Variants in RNF19A observed in about 807,000 individuals in gnomAD.
The protein encoded by RNF19A is ring finger protein 19A, RBR E3 ubiquitin protein ligase.
Under a neutral mutation model 75.7 loss-of-function variants are expected in RNF19A, and 32 were observed. That is an observed-to-expected ratio of 0.42 (90% CI 0.32 to 0.57). RNF19A has a LOEUF of 0.57. Ranked by LOEUF, RNF19A falls within the 20% of genes least tolerant of loss-of-function variation. The pLI is 0.10. For synonymous variants in RNF19A, 335 were observed against 345.2 expected (o/e 0.97, Z 0.33); for missense variants, 782 against 1,036.3 (o/e 0.75, Z 3.37).
rs112155931 is a variant in RNF19A at position 100,260,552 on chromosome 8, G to A, written c.1683-555C>T. ...CCCAAAGTGCTGGGATTATAGGTAT[G>A]AGCCACTGAGCCCAACCAACATTTG... On this transcript the variant is annotated intron_variant, in intron 8 of 9. Coordinates refer to ENST00000341084, the MANE Select transcript of RNF19A (RefSeq NM_183419.4). The surrounding 1 kb of genome is among the most constrained non-coding windows in gnomAD (Gnocchi z 4.1). Among the ~76,000 whole-genome samples, 2,203 of 152,230 alleles carry A rather than the reference G, an allele frequency of 0.014. 36 individuals carry two copies. The highest frequency in any genetic ancestry group is 0.035 in the South Asian group (169 of 4,820).
intron 2 of RNF19A, among the ~76,000 whole-genome samples, chr8:100,281,963 T>C (rs544890489): frequency 2.0e-5 from 3 of 152,300 alleles, no homozygotes; most frequent in Admixed American, 6.5e-5. Flanking sequence ...TGGTTCCCTT[T>C]TTTAGGATTT....
chr8:100,309,851 G>A lies in RNF19A; in HGVS notation c.-94+16C>T, dbSNP rs913118546. ...CCCGCTCCGGGGCGCAAGCTCCTCC[G>A]GGTGCCCGCCCGTACCTTTAACTCC... On this transcript the variant is annotated intron_variant, in intron 1 of 9. Coordinates refer to ENST00000341084, the MANE Select transcript of RNF19A (RefSeq NM_183419.4). 2 of 985,590 alleles carry A rather than the reference G, an allele frequency of 2.0e-6. No homozygotes were observed. Among genetic ancestry groups the A allele is most frequent in the South Asian group, 4.7e-5 (1 of 21,294 alleles). The allele number at this position is 985,590 out of a possible 1,614,324, so 61.1% of individuals were successfully genotyped here. A position where few individuals can be genotyped will look rare whatever the true frequency, so the allele number is the denominator to read the frequency against.
chr8:100,302,525 C>T (rs539108930), intron 1 of RNF19A, among the ~76,000 whole-genome samples: 6 of 152,302 alleles, frequency 3.9e-5, no homozygotes, highest in African/African-American at 1.4e-4. Context: ...TATCCAAACA[C>T]CCGTTTGACA....
intron 1 of RNF19A, among the ~76,000 whole-genome samples, chr8:100,296,017 C>T (rs927148952): frequency 6.6e-6 from 1 of 152,058 alleles, no homozygotes; most frequent in Non-Finnish European, 1.5e-5. Context: ...CATTATTTTC[C>T]TCTAATAAAT....
chr8:100,287,971 G>A lies in RNF19A; in HGVS notation c.204C>T (p.Gly68=), dbSNP rs764139989. The part of the protein sequence containing the change: ...KAPKKRRISI[G]SLFRRKKDNK... ...TATCTTTTTTCCTCCGAAACAGGGAGCCTATTGAAATTCTTCTTTTTTTGG... is the reference window on the plus strand; with the variant it reads ...TATCTTTTTTCCTCCGAAACAGGGAACCTATTGAAATTCTTCTTTTTTTGG... Residue 68 remains glycine (G), a synonymous_variant, in exon 2 of 10, where the codon GGC becomes GGT. Transcript: ENST00000341084. This position sits in a 1 kb window ranked among gnomAD's most constrained non-coding sequence, Gnocchi z 4.1. 30 of 1,614,004 alleles carry A rather than the reference G, an allele frequency of 1.9e-5. No individual in the cohort carries two copies. In the East Asian group the frequency reaches 2.0e-4, roughly 11 times the overall value.
In RNF19A at chr8:100,325,281, G is replaced by A. The variant is rs7834839; in HGVS notation, c.-243+10827C>T. ...GATACTGAAGGCAGAGAACTTAAGA[G>A]CCTGAAGGGTTTTTGCAGAGAGTTT... On this transcript the variant is annotated intron_variant, in intron 1 of 3. Coordinates refer to the RNF19A transcript ENST00000519527. The surrounding 1 kb of genome is among the most constrained non-coding windows in gnomAD (Gnocchi z 4.3). 2.5e-3 allele frequency among the ~76,000 whole-genome samples: 385 copies of A among 152,320 alleles called. No individual in the cohort carries two copies. Among genetic ancestry groups the A allele is most frequent in the African/African-American group, 8.6e-3 (359 of 41,574 alleles).
intron 3 of RNF19A, among the ~76,000 whole-genome samples, chr8:100,273,746 G>C (rs1820368500): frequency 6.6e-6 from 1 of 151,970 alleles, no homozygotes; most frequent in South Asian, 2.1e-4. Flanking sequence ...TCAACTATAT[G>C]GACATAAGCA....
Position 100,264,211 on chromosome 8 carries a change from A to G in RNF19A, c.1307-16T>C. On this transcript the variant is annotated splice_polypyrimidine_tract_variant and intron_variant, in intron 6 of 9. Transcript: ENST00000341084. The surrounding 1 kb of genome is among the most constrained non-coding windows in gnomAD (Gnocchi z 4.7). ...ACACCGATACCTAAAGAGAAATTAA[A>G]TCAGTCATTACAAACAACAACAACA... is the stretch of plus-strand genomic sequence containing the variant. 6.3e-7 allele frequency: 1 copy of G among 1,590,182 alleles called. No individual in the cohort carries two copies. Among genetic ancestry groups the G allele is most frequent in the East Asian group, 2.2e-5 (1 of 44,636 alleles).
Position 100,264,366 on chromosome 8 carries a change from C to G in RNF19A, c.1307-171G>C. Reference sequence around the variant, plus strand: ...GATTTACCCAGTTGTTAAGCAAATTCAAGGTTCCCAGCCTTTCAGGTAATG... The same window carrying G: ...GATTTACCCAGTTGTTAAGCAAATTGAAGGTTCCCAGCCTTTCAGGTAATG... On this transcript the variant is annotated intron_variant, in intron 6 of 9. Transcript: ENST00000341084. This position sits in a 1 kb window ranked among gnomAD's most constrained non-coding sequence, Gnocchi z 4.7. The G allele has an allele frequency of 1.6e-6, 1 of 630,162 alleles. No homozygotes were observed. Among genetic ancestry groups the G allele is most frequent in the Non-Finnish European group, 2.7e-6 (1 of 374,514 alleles). 39.0% of individuals were successfully genotyped at this position (630,162 alleles called of 1,614,324 possible). A position where few individuals can be genotyped will look rare whatever the true frequency, so the allele number is the denominator to read the frequency against.
intron 1 of RNF19A, among the ~76,000 whole-genome samples, chr8:100,320,742 A>G (rs1010933088): frequency 2.7e-5 from 4 of 148,180 alleles, no homozygotes; most frequent in African/African-American, 7.3e-5. Context: ...AGCATTTAGC[A>G]CAGTGTCTGG....
intron 2 of RNF19A, among the ~76,000 whole-genome samples, chr8:100,283,856 G>A (rs1006234019): frequency 6.6e-6 from 1 of 152,088 alleles, no homozygotes; most frequent in African/African-American, 2.4e-5. Context: ...TCCTGACACC[G>A]TGGCTAACCA....
intron 1 of RNF19A, among the ~76,000 whole-genome samples, chr8:100,315,380 A>G (rs1239884774): frequency 3.3e-5 from 5 of 152,026 alleles, no homozygotes. Flanking sequence ...GCTTGGCCTT[A>G]TGTTTGTTTC....
intron 1 of RNF19A, among the ~76,000 whole-genome samples, chr8:100,299,392 G>A (rs1821717709): frequency 1.3e-5 from 2 of 152,108 alleles, no homozygotes; most frequent in Admixed American, 1.3e-4. Context: ...ACTCTTCTTA[G>A]TAAATTCAGT....
In RNF19A at chr8:100,258,712, T is replaced by C; in HGVS notation, c.2361A>G (p.Ser787=). 6.2e-7 allele frequency: 1 copy of C among 1,614,224 alleles called. No homozygotes were observed. Among genetic ancestry groups the C allele is most frequent in the Non-Finnish European group, 8.5e-7 (1 of 1,180,040 alleles). The change falls in exon 10 of 10, where the codon TCA becomes TCG. Residue 787 remains serine (S), a synonymous_variant. Transcript: ENST00000341084. The surrounding 1 kb of genome is among the most constrained non-coding windows in gnomAD (Gnocchi z 4.3). ...ISVVTQTASC[S]EVSQLNHIAE... ...CAATATGATTCAACTGTGAAACTTC[T>C]GAACAGGAAGCAGTTTGGGTAACCA...
chr8:100,325,258 T>C lies in RNF19A; in HGVS notation c.-243+10850A>G, dbSNP rs955202195. On this transcript the variant is annotated intron_variant, in intron 1 of 3. Transcript: ENST00000519527. This position sits in a 1 kb window ranked among gnomAD's most constrained non-coding sequence, Gnocchi z 4.3. ...ATCCTAGAAGAAGAAACATGTTTGA[T>C]ACTGAAGGCAGAGAACTTAAGAGCC... Among the ~76,000 whole-genome samples the C allele has an allele frequency of 1.3e-5, 2 of 152,218 alleles. No individual in the cohort carries two copies. Among genetic ancestry groups the C allele is most frequent in the Non-Finnish European group, 2.9e-5 (2 of 68,036 alleles).
At chr8:100,298,594 A>C (rs1821680136) in intron 1 of RNF19A, among the ~76,000 whole-genome samples, 1 of 152,180 alleles carries the variant, frequency 6.6e-6, no homozygotes. Context: ...AGTTCAGAAT[A>C]AGCTATTCCC....
At position 100,268,826 on chromosome 8, in the gene RNF19A, G is replaced by T. The variant is rs1820117106; in HGVS notation, c.1150C>A (p.Pro384Thr). 1 of 1,594,884 alleles carries T rather than the reference G, an allele frequency of 6.3e-7. No individual in the cohort carries two copies. Among genetic ancestry groups the T allele is most frequent in the Non-Finnish European group, 8.6e-7 (1 of 1,168,684 alleles). ...ACAGGAATGCCAATAATCATTGCAG[G>T]AATAGCAATGCCAGCTATTAAAGCG... The part of the protein sequence containing the change: ...GIALIAGIAI[P>T]AMIIGIPVYV... The change falls in exon 5 of 10, where the codon CCT (proline) becomes ACT (threonine). Residue 384 changes from proline (P) to threonine (T), a missense_variant. Transcript: ENST00000341084.
chr8:100,310,579 C>G (rs1384692660), upstream of RNF19A, among the ~76,000 whole-genome samples: 3 of 152,184 alleles, frequency 2.0e-5, no homozygotes. Flanking sequence ...AGAGAAGTGC[C>G]GGGATGTTGC....
At chr8:100,266,316 G>C (rs558281769) in intron 5 of RNF19A, among the ~76,000 whole-genome samples, 16 of 152,180 alleles carry the variant, frequency 1.1e-4, no homozygotes, top group African/African-American at 3.9e-4. Flanking sequence ...TTGAAAAAAG[G>C]AGATCTGTAA....
Sources: allele counts gnomAD v4.1 joint callset (sites outside exome capture counted in the v4.1 genomes callset), GRCh38; gene constraint gnomAD v4.1.1; non-coding constraint Gnocchi (gnomAD v3.1); transcripts MANE v1.5; gene names NCBI Gene and HGNC (gene_info 2026-07-23, HGNC 2026-07-21).